Variants in SEMA3A observed in about 807,000 individuals in gnomAD.
SEMA3A encodes semaphorin 3A.
In SEMA3A, 29 loss-of-function variants were observed where a neutral mutation model predicts 97.9. The observed-to-expected ratio is 0.30, with a 90% CI of 0.22 to 0.40. The LOEUF (loss-of-function observed/expected upper bound fraction) is 0.40. Ranked by LOEUF, SEMA3A falls within the 10% of genes least tolerant of loss-of-function variation. The probability of loss-of-function intolerance (pLI) is 1.00; values close to 1 mark genes in which losing one functional copy is unlikely to be tolerated. For synonymous variants in SEMA3A, 321 were observed against 323.7 expected, an observed-to-expected ratio of 0.99 and a Z score of 0.09; for missense variants, 763 against 951.3, an observed-to-expected ratio of 0.80 and a Z score of 2.60.
At chr7:84,168,948 T>C (rs1277720959) in intron 1 of SEMA3A, among the ~76,000 whole-genome samples, 1 of 151,818 alleles carries the variant, frequency 6.6e-6, no homozygotes, top group East Asian at 1.9e-4. Context: ...AATTATATAA[T>C]ACTAGAACAG....
At chr7:84,088,864 T>C (rs1006474940) in intron 4 of SEMA3A, among the ~76,000 whole-genome samples, 2 of 152,170 alleles carry the variant, frequency 1.3e-5, no homozygotes, top group African/African-American at 4.8e-5. Flanking sequence ...AAGTATTCCT[T>C]TGTGAGTGAG....
chr7:84,192,253 A>C (rs1798068722), intron 1 of SEMA3A, among the ~76,000 whole-genome samples: 1 of 151,986 alleles, frequency 6.6e-6, no homozygotes, highest in African/African-American at 2.4e-5. Flanking sequence ...TTAGAAACAA[A>C]GTACTGGCAA....
At chr7:84,308,857 A>C (rs1178384979) in intron 2 of SEMA3A, among the ~76,000 whole-genome samples, 1 of 146,348 alleles carries the variant, frequency 6.8e-6, no homozygotes, top group Non-Finnish European at 1.5e-5. Flanking sequence ...CACCCTTGTC[A>C]CCCAGGCTGG....
intron 1 of SEMA3A, among the ~76,000 whole-genome samples, chr7:84,404,296 G>A (rs537415540): frequency 1.3e-5 from 2 of 152,242 alleles, no homozygotes; most frequent in Admixed American, 6.5e-5. Context: ...GGGTATCAGC[G>A]ATGGAAGACA....
At chr7:84,023,462 T>C (rs1219805977) in intron 6 of SEMA3A, among the ~76,000 whole-genome samples, 2 of 152,186 alleles carry the variant, frequency 1.3e-5, no homozygotes, top group Non-Finnish European at 2.9e-5. Context: ...ATATTGGTTT[T>C]CTAGGACACA....
intron 6 of SEMA3A, among the ~76,000 whole-genome samples, chr7:84,015,751 G>C (rs1791072413): frequency 6.6e-6 from 1 of 152,112 alleles, no homozygotes; most frequent in African/African-American, 2.4e-5. Flanking sequence ...ATTATCATTT[G>C]TCCTATGCGT....
intron 3 of SEMA3A, among the ~76,000 whole-genome samples, chr7:84,293,184 T>C (rs1322754708): frequency 1.3e-5 from 2 of 152,088 alleles, no homozygotes; most frequent in African/African-American, 4.8e-5. Flanking sequence ...ATAATTAAAA[T>C]TCAAAGATCT....
rs1179594602 is a variant in SEMA3A at position 83,957,143 on chromosome 7, A to G, written c.*4228T>C. ...AAACAAATAAATCACACATTGGGGT[A>G]GTGTGACAATAAAAGGTATATACAA... On this transcript the variant is annotated 3_prime_UTR_variant, in exon 17 of 17. Transcript: ENST00000265362. The G allele has an allele frequency of 1.3e-5, 2 of 152,178 alleles. No homozygotes were observed. The highest frequency in any genetic ancestry group is 2.9e-5 in the Non-Finnish European group (2 of 68,054). 9.4% of individuals were successfully genotyped at this position (152,178 alleles called of 1,614,324 possible).
chr7:84,260,663 G>A (rs1799828924), intron 3 of SEMA3A, among the ~76,000 whole-genome samples: 1 of 150,370 alleles, frequency 6.7e-6, no homozygotes, highest in Non-Finnish European at 1.5e-5. Flanking sequence ...GCTCTGACAT[G>A]CTAGCCCCTG....
chr7:84,333,926 C>A (rs1220875833), intron 2 of SEMA3A, among the ~76,000 whole-genome samples: 1 of 152,100 alleles, frequency 6.6e-6, no homozygotes, highest in Non-Finnish European at 1.5e-5. Flanking sequence ...ATGTAGTTTT[C>A]ACTTTCTGGA....
chr7:84,423,037 G>A (rs1479146916), intron 1 of SEMA3A, among the ~76,000 whole-genome samples: 3 of 151,966 alleles, frequency 2.0e-5, no homozygotes, highest in Admixed American at 1.3e-4. Flanking sequence ...GATTAATATT[G>A]TAATAGGTTC....
At chr7:83,975,468 T>C (rs1189295642) in intron 15 of SEMA3A, among the ~76,000 whole-genome samples, 1 of 152,120 alleles carries the variant, frequency 6.6e-6, no homozygotes, top group Non-Finnish European at 1.5e-5. Flanking sequence ...AAGGTATTTT[T>C]TACAAAAATC....
At chr7:84,308,207 T>C (rs1388847370) in intron 2 of SEMA3A, among the ~76,000 whole-genome samples, 2 of 152,146 alleles carry the variant, frequency 1.3e-5, no homozygotes, top group Non-Finnish European at 2.9e-5. Context: ...ATTTAAAAAA[T>C]AGAATATATT....
chr7:84,152,929 A>C (rs1325113780), intron 1 of SEMA3A, among the ~76,000 whole-genome samples: 1 of 152,172 alleles, frequency 6.6e-6, no homozygotes, highest in Non-Finnish European at 1.5e-5. Flanking sequence ...AAAAAATTCT[A>C]GCTTTTCCCA....
intron 1 of SEMA3A, among the ~76,000 whole-genome samples, chr7:84,491,808 T>G (rs2116455028): frequency 6.6e-6 from 1 of 152,286 alleles, no homozygotes; most frequent in African/African-American, 2.4e-5. Context: ...AAAGTCAAAG[T>G]TGAGATTTTG....
At chr7:83,979,002 G>A (rs1164421712) in intron 14 of SEMA3A, among the ~76,000 whole-genome samples, 1 of 151,966 alleles carries the variant, frequency 6.6e-6, no homozygotes, top group Non-Finnish European at 1.5e-5. Flanking sequence ...TAGATGTGTT[G>A]ATTTTCTTTT....
rs1181116441 is a variant in SEMA3A at position 84,400,804 on chromosome 7, A to G, written c.-245-28904T>C. Among the ~76,000 whole-genome samples the G allele has an allele frequency of 2.0e-5, 3 of 152,204 alleles. No individual in the cohort carries two copies. In the East Asian group the frequency reaches 5.8e-4, roughly 29 times the overall value. On this transcript the variant is annotated intron_variant, in intron 1 of 3. Coordinates refer to the SEMA3A transcript ENST00000424555. ...TCATTTTAATAAATGCCACAAAAGC[A>G]TTCAATAACATTCAACATCCTTTCA... is the stretch of plus-strand genomic sequence containing the variant.
intron 4 of SEMA3A, among the ~76,000 whole-genome samples, chr7:84,091,201 AAAGAAAG>A (rs1467371494): frequency 3.9e-5 from 3 of 77,290 alleles, no homozygotes; most frequent in African/African-American, 1.3e-4. Flanking sequence ...AGAAAGAAAG[AAAGAAAG>A]AAAGAAAAGA....
intron 1 of SEMA3A, among the ~76,000 whole-genome samples, chr7:84,400,619 T>C (rs1212265836): frequency 6.6e-6 from 1 of 152,078 alleles, no homozygotes; most frequent in Non-Finnish European, 1.5e-5. Flanking sequence ...GTGAAGAATG[T>C]TTCCAAGATC....
Sources: gnomAD v4.1 joint callset for allele counts (sites outside exome capture counted in the v4.1 genomes callset) on GRCh38, gnomAD v4.1.1 for gene constraint, MANE v1.5 for transcripts, NCBI Gene and HGNC (gene_info 2026-07-23, HGNC 2026-07-21) for gene names.